Variants in FAM83B observed in about 807,000 individuals in gnomAD.
The protein encoded by FAM83B is protein FAM83B.
Under a neutral mutation model 38.8 loss-of-function variants are expected in FAM83B, and 26 were observed. The ratio of observed to expected loss-of-function variants is 0.67; its 90% CI spans 0.49 to 0.93. The LOEUF (loss-of-function observed/expected upper bound fraction) is 0.93, where lower values mean the gene tolerates loss of function less well. FAM83B is among the 40% of genes least tolerant of loss of function. The probability of loss-of-function intolerance (pLI) is 0.00; values close to 1 mark genes in which losing one functional copy is unlikely to be tolerated. For synonymous variants in FAM83B, 419 were observed against 423.1 expected, an observed-to-expected ratio of 0.99 and a Z score of 0.12; for missense variants, 1,237 against 1,197.3, an observed-to-expected ratio of 1.03 and a Z score of -0.49.
chr6:54,918,114 A>G (rs922455498), intron 2 of FAM83B, among the ~76,000 whole-genome samples: 1 of 152,160 alleles, frequency 6.6e-6, no homozygotes, highest in African/African-American at 2.4e-5. Flanking sequence ...GTATTTTGAT[A>G]CTCATTCCTA....
chr6:54,931,744 T>C (rs940803478), intron 4 of FAM83B, among the ~76,000 whole-genome samples: 1 of 152,094 alleles, frequency 6.6e-6, no homozygotes, highest in Non-Finnish European at 1.5e-5. Flanking sequence ...ACTGTTTTTT[T>C]AATCCATTCA....
At chr6:54,847,277 G>A (rs1454522252) in intron 1 of FAM83B, among the ~76,000 whole-genome samples, 1 of 152,116 alleles carries the variant, frequency 6.6e-6, no homozygotes, top group Non-Finnish European at 1.5e-5. Flanking sequence ...ATGGGGGTGG[G>A]GGGTTCCGGG....
intron 2 of FAM83B, among the ~76,000 whole-genome samples, chr6:54,915,894 T>G (rs1335856478): frequency 6.6e-6 from 1 of 152,004 alleles, no homozygotes; most frequent in Non-Finnish European, 1.5e-5. Context: ...TTCTCAGGTA[T>G]TGTTTTAATC....
At chr6:54,861,352 T>C (rs540731270) in intron 1 of FAM83B, among the ~76,000 whole-genome samples, 107 of 152,036 alleles carry the variant, frequency 7.0e-4, no homozygotes, top group Non-Finnish European at 1.2e-3. Context: ...CCCAGGAGTT[T>C]GAGACCAGCC....
intron 1 of FAM83B, among the ~76,000 whole-genome samples, chr6:54,847,188 G>C (rs1771158587): frequency 6.6e-6 from 1 of 151,662 alleles, no homozygotes; most frequent in South Asian, 2.1e-4. Context: ...AGTGCGCCGA[G>C]GACCCCGGGA....
intron 1 of FAM83B, among the ~76,000 whole-genome samples, chr6:54,847,821 G>A (rs561049189): frequency 3.3e-5 from 5 of 152,284 alleles, no homozygotes; most frequent in Admixed American, 1.3e-4. Context: ...AAGTGGAAAT[G>A]AGAGCTCAGG....
At chr6:54,930,420 CT>C (rs1409448171) in intron 4 of FAM83B, among the ~76,000 whole-genome samples, 1 of 152,062 alleles carries the variant, frequency 6.6e-6, no homozygotes, top group Non-Finnish European at 1.5e-5. Context: ...ACCTGGGGGC[CT>C]GGTATTTTTC....
rs151197828 is a variant in FAM83B at position 54,850,190 on chromosome 6, C to T, written c.-61+3364C>T. Reference sequence around the variant, plus strand: ...CCTATTCTCTGAAGGTCACAGCAGACGTTGTTTGTGTTCATTAATCATTTG... The same window carrying T: ...CCTATTCTCTGAAGGTCACAGCAGATGTTGTTTGTGTTCATTAATCATTTG... On this transcript the variant is annotated intron_variant, in intron 1 of 4. Coordinates refer to ENST00000306858, the MANE Select transcript of FAM83B (RefSeq NM_001010872.3). Among the ~76,000 whole-genome samples, 144 of 152,262 alleles carry T rather than the reference C, an allele frequency of 9.5e-4. 1 individual carries two copies. Among genetic ancestry groups the T allele is most frequent in the Admixed American group, 2.0e-3 (30 of 15,294 alleles).
At position 54,940,674 on chromosome 6, in the gene FAM83B, T is replaced by G; in HGVS notation, c.1703T>G (p.Ile568Ser). ...SCTTGSSNST[I>S]IGSQGSETPK... ...ACAACTGGCTCCTCAAATTCAACTATCATTGGTTCTCAGGGAAGTGAGACA... is the reference window on the plus strand; with the variant it reads ...ACAACTGGCTCCTCAAATTCAACTAGCATTGGTTCTCAGGGAAGTGAGACA... Residue 568 changes from isoleucine to serine, a missense_variant, in exon 5 of 5, where the codon ATC becomes AGC. Ile to Ser is a moderately radical substitution (Grantham distance 142). Coordinates refer to ENST00000306858, the MANE Select transcript of FAM83B (RefSeq NM_001010872.3). 3.1e-6 allele frequency: 5 copies of G among 1,614,018 alleles called. No homozygotes were observed. Among genetic ancestry groups the G allele is most frequent in the Non-Finnish European group, 4.2e-6 (5 of 1,180,008 alleles).
chr6:54,915,204 A>C (rs1773006292), intron 2 of FAM83B, among the ~76,000 whole-genome samples: 2 of 152,132 alleles, frequency 1.3e-5, no homozygotes. Flanking sequence ...AAGTAACACA[A>C]CTTTTTATCA....
At chr6:54,906,961 A>C (rs1244412898) in intron 2 of FAM83B, among the ~76,000 whole-genome samples, 1 of 152,132 alleles carries the variant, frequency 6.6e-6, no homozygotes, top group Non-Finnish European at 1.5e-5. Flanking sequence ...TTTCCTGATT[A>C]TATTGAAACC....
Position 54,941,028 on chromosome 6 carries a change from G to A in FAM83B, c.2057G>A (p.Ser686Asn). ...DPGNSKHYVY[S>N]TLTRNRVRQP... ...GGAAATAGTAAGCATTATGTATATA[G>A]TACACTTACCAGGAATCGAGTTAGA... The change falls in exon 5 of 5, where the codon AGT becomes AAT. Residue 686 changes from serine to asparagine, a missense_variant. By Grantham distance (46) the Ser-to-Asn change is conservative. Coordinates refer to ENST00000306858, the MANE Select transcript of FAM83B (RefSeq NM_001010872.3). The A allele has an allele frequency of 6.2e-7, 1 of 1,613,818 alleles. No individual in the cohort carries two copies. Among genetic ancestry groups the A allele is most frequent in the South Asian group, 1.1e-5 (1 of 91,008 alleles).
At chr6:54,932,030 G>C (rs1052265016) in intron 4 of FAM83B, among the ~76,000 whole-genome samples, 2 of 49,096 alleles carry the variant, frequency 4.1e-5, no homozygotes, top group African/African-American at 2.0e-4. Flanking sequence ...TTTTTTTTGA[G>C]ACGGAGTTTC....
chr6:54,872,992 G>GTT lies in FAM83B; in HGVS notation c.444+2306_444+2307dup, dbSNP rs34860321. Among the ~76,000 whole-genome samples the GTT allele has an allele frequency of 1.2e-3, 171 of 148,438 alleles. 1 individual carries two copies. The highest frequency in any genetic ancestry group is 2.3e-3 in the African/African-American group (93 of 40,760). Reference sequence around the variant, plus strand: ...AGACGACTTCGATTTGGTGCACATGGTTTTTGTTTTTAATTTTATTTATTT... The same window carrying GTT: ...AGACGACTTCGATTTGGTGCACATGGTTTTTTTGTTTTTAATTTTATTTATTT... On this transcript the variant is annotated intron_variant, in intron 2 of 4. Coordinates refer to ENST00000306858, the MANE Select transcript of FAM83B (RefSeq NM_001010872.3).
chr6:54,916,394 A>G (rs1773039293), intron 2 of FAM83B, among the ~76,000 whole-genome samples: 1 of 152,028 alleles, frequency 6.6e-6, no homozygotes, highest in South Asian at 2.1e-4. Flanking sequence ...TTTTTCTTTA[A>G]TCACTTTGCC....
At chr6:54,859,282 C>T (rs9464152) in intron 1 of FAM83B, among the ~76,000 whole-genome samples, 5,383 of 152,176 alleles carry the variant, frequency 0.035, 171 homozygotes, top group Middle Eastern at 0.082. Context: ...GGCTGGAGTC[C>T]AATTCCTGAC....
intron 1 of FAM83B, among the ~76,000 whole-genome samples, chr6:54,869,471 AG>A (rs1771792732): frequency 2.0e-5 from 3 of 151,828 alleles, no homozygotes. Flanking sequence ...CCAGCATGCC[AG>A]GTTTTTTTTT....
intron 2 of FAM83B, among the ~76,000 whole-genome samples, chr6:54,914,474 C>G (rs1772989386): frequency 6.6e-6 from 1 of 152,004 alleles, no homozygotes; most frequent in South Asian, 2.1e-4. Flanking sequence ...TTCTTCTTAT[C>G]CATCCATCAG....
At chr6:54,928,214 C>A (rs1773348464) in intron 4 of FAM83B, among the ~76,000 whole-genome samples, 3 of 152,066 alleles carry the variant, frequency 2.0e-5, no homozygotes, top group African/African-American at 7.2e-5. Flanking sequence ...ACCAAATACC[C>A]ATGAACTGCT....
Sources: gnomAD v4.1 joint callset for allele counts (sites outside exome capture counted in the v4.1 genomes callset) on GRCh38, gnomAD v4.1.1 for gene constraint, MANE v1.5 for transcripts, NCBI Gene and HGNC (gene_info 2026-07-23, HGNC 2026-07-21) for gene names.